Variants in ZHX3 observed in about 807,000 individuals in gnomAD.
The protein encoded by ZHX3 is zinc fingers and homeoboxes 3.
A neutral mutation model predicts 64.5 loss-of-function variants in ZHX3; 20 were observed. The ratio of observed to expected loss-of-function variants is 0.31; its 90% confidence interval spans 0.22 to 0.45. The LOEUF is 0.45. Ranked by LOEUF, ZHX3 falls within the 20% of genes least tolerant of loss-of-function variation. ZHX3 has a pLI of 1.00. For missense variants in ZHX3, 1,041 were observed against 1,195.8 expected (o/e 0.87, Z 1.91); for synonymous variants, 423 against 461.6 (o/e 0.92, Z 1.07).
intron 2 of ZHX3, among the ~76,000 whole-genome samples, chr20:41,227,720 T>A (rs2040359908): frequency 6.6e-6 from 1 of 152,212 alleles, no homozygotes; most frequent in Non-Finnish European, 1.5e-5. Context: ...AAGTTCTATT[T>A]ATCTGTTTTT....
chr20:41,204,967 C>T lies in ZHX3; in HGVS notation c.-51G>A. 1 of 1,487,344 alleles carries T rather than the reference C, an allele frequency of 6.7e-7. No individual in the cohort carries two copies. The highest frequency in any genetic ancestry group is 8.9e-7 in the Non-Finnish European group (1 of 1,118,884). 92.1% of individuals were successfully genotyped at this position (1,487,344 alleles called of 1,614,324 possible). The stretch of plus-strand genomic sequence containing the variant: ...GTTGAGAGCTTGTCCCATAAGGGGC[C>T]TAACAATACAAGTTCCAGCTTCTCG... On this transcript the variant is annotated 5_prime_UTR_variant, in exon 3 of 4. Transcript: ENST00000683867. The surrounding 1 kb of genome is among the most constrained non-coding windows in gnomAD (Gnocchi z 6.6).
At chr20:41,312,410 A>C (rs2045167509) in intron 1 of ZHX3, among the ~76,000 whole-genome samples, 1 of 152,178 alleles carries the variant, frequency 6.6e-6, no homozygotes, top group South Asian at 2.1e-4. Context: ...TCTTCACAAT[A>C]AATCTTGCTG....
intron 1 of ZHX3, among the ~76,000 whole-genome samples, chr20:41,302,039 G>A (rs1246142088): frequency 2.4e-5 from 3 of 125,604 alleles, no homozygotes; most frequent in Non-Finnish European, 4.7e-5. Context: ...GGGCGACGGA[G>A]CGAGACTCCA....
intron 2 of ZHX3, among the ~76,000 whole-genome samples, chr20:41,233,862 G>A (rs1341241571): frequency 1.3e-5 from 2 of 152,228 alleles, no homozygotes; most frequent in Non-Finnish European, 2.9e-5. Context: ...CCCAAGACAT[G>A]TCACCTTTTG....
rs776109986 is a variant in ZHX3 at position 41,202,665 on chromosome 20, G to A, written c.2252C>T (p.Pro751Leu). 4 of 1,614,064 alleles carry A rather than the reference G, an allele frequency of 2.5e-6. No homozygotes were observed. The highest frequency in any genetic ancestry group is 2.2e-5 in the East Asian group (1 of 44,864). Residue 751 changes from proline to leucine, a missense_variant, in exon 3 of 4, where the codon CCT (proline) becomes CTT (leucine). Pro to Leu is a moderately conservative substitution (Grantham distance 98). Around this residue, in one of 4 missense-constraint regions of ZHX3, gnomAD observed 649 missense variants for 739.8 expected, o/e 0.88. Coordinates refer to ENST00000683867, the MANE Select transcript of ZHX3 (RefSeq NM_001384317.1). This position sits in a 1 kb window ranked among gnomAD's most constrained non-coding sequence, Gnocchi z 7.0. ...CAGTTTGTTTGACTCATCATCCTCA[G>A]GGTCACAGGCACCCAGCCCTGGAAT... The part of the protein sequence containing the change: ...NEIPGLGACD[P>L]EDDESNKLAE...
At chr20:41,218,923 GTTTTTTTT>G (rs888061526) in intron 2 of ZHX3, among the ~76,000 whole-genome samples, 12 of 92,574 alleles carry the variant, frequency 1.3e-4, no homozygotes, top group African/African-American at 4.8e-4. Flanking sequence ...AAACAGTGCT[GTTTTTTTT>G]TTTTTTTTTT....
chr20:41,310,962 C>T (rs560280377), intron 1 of ZHX3, among the ~76,000 whole-genome samples: 1 of 151,940 alleles, frequency 6.6e-6, no homozygotes, highest in African/African-American at 2.4e-5. Context: ...GCACGTGCCA[C>T]CACACCAAGC....
At chr20:41,247,179 G>C (rs937411391) in intron 2 of ZHX3, among the ~76,000 whole-genome samples, 10 of 151,460 alleles carry the variant, frequency 6.6e-5, no homozygotes, top group Admixed American at 2.6e-4. Context: ...GAGACAGGAG[G>C]ATTGCCTGAA....
chr20:41,264,990 C>A (rs1271250411), intron 2 of ZHX3, among the ~76,000 whole-genome samples: 1 of 152,024 alleles, frequency 6.6e-6, no homozygotes, highest in Non-Finnish European at 1.5e-5. Context: ...AGGGAAAAAA[C>A]AAACTATGCA....
intron 1 of ZHX3, among the ~76,000 whole-genome samples, chr20:41,296,093 G>A (rs567855087): frequency 6.6e-6 from 1 of 151,958 alleles, no homozygotes; most frequent in Admixed American, 6.6e-5. Flanking sequence ...TTCAGCAACT[G>A]CCCATGAACT....
chr20:41,298,580 T>C (rs972234842), intron 1 of ZHX3, among the ~76,000 whole-genome samples: 1 of 152,210 alleles, frequency 6.6e-6, no homozygotes, highest in Non-Finnish European at 1.5e-5. Context: ...ACTATGCTAG[T>C]AAGATCACTG....
chr20:41,227,348 A>G (rs1180221200), intron 2 of ZHX3, among the ~76,000 whole-genome samples: 4 of 152,252 alleles, frequency 2.6e-5, no homozygotes, highest in Non-Finnish European at 5.9e-5. Context: ...TCTCTAATCT[A>G]AAACGCAATA....
chr20:41,229,114 T>G (rs2040444675), intron 2 of ZHX3, among the ~76,000 whole-genome samples: 1 of 152,224 alleles, frequency 6.6e-6, no homozygotes, highest in Non-Finnish European at 1.5e-5. Flanking sequence ...TTCTGCTTTC[T>G]GTCTCTGTAG....
chr20:41,308,655 C>A lies in ZHX3; in HGVS notation c.-245+8854G>T, dbSNP rs193160193. ...AGTGGTCAGCCAAGAATGACTAACTCCAAGTTCCCTCGTGAGCAGCTATTC... is the reference window on the plus strand; with the variant it reads ...AGTGGTCAGCCAAGAATGACTAACTACAAGTTCCCTCGTGAGCAGCTATTC... On this transcript the variant is annotated intron_variant, in intron 1 of 3. Transcript: ENST00000683867. Among the ~76,000 whole-genome samples, 155 of 152,250 alleles carry A rather than the reference C, an allele frequency of 1.0e-3. 1 individual carries two copies. The highest frequency in any genetic ancestry group is 3.4e-3 in the African/African-American group (142 of 41,550).
intron 1 of ZHX3, among the ~76,000 whole-genome samples, chr20:41,291,770 A>G (rs930786814): frequency 2.6e-5 from 4 of 152,058 alleles, no homozygotes; most frequent in Admixed American, 2.6e-4. Flanking sequence ...ATGAATCTAA[A>G]AAAAATGCAT....
At chr20:41,253,582 G>A (rs576817383) in intron 2 of ZHX3, among the ~76,000 whole-genome samples, 2 of 152,262 alleles carry the variant, frequency 1.3e-5, no homozygotes, top group Non-Finnish European at 2.9e-5. Flanking sequence ...GGTGGGCACT[G>A]ACTGGGAAGG....
intron 2 of ZHX3, among the ~76,000 whole-genome samples, chr20:41,210,842 A>T (rs1283836680): frequency 6.6e-6 from 1 of 152,236 alleles, no homozygotes; most frequent in African/African-American, 2.4e-5. Flanking sequence ...AGTATAATTT[A>T]AAAAAGAATT....
chr20:41,244,274 G>A (rs1451144515), intron 2 of ZHX3, among the ~76,000 whole-genome samples: 1 of 152,192 alleles, frequency 6.6e-6, no homozygotes, highest in Non-Finnish European at 1.5e-5. Flanking sequence ...CTGGGGAGGT[G>A]CAGAGCAAGA....
At chr20:41,315,383 C>T (rs1041035920) in intron 1 of ZHX3, among the ~76,000 whole-genome samples, 16 of 105,660 alleles carry the variant, frequency 1.5e-4, no homozygotes, top group African/African-American at 5.7e-4. Flanking sequence ...TTAGTAGAGA[C>T]GGGGTGTCAC....
Sources: gnomAD v4.1 joint callset for allele counts (sites outside exome capture counted in the v4.1 genomes callset) on GRCh38, gnomAD v4.1.1 for gene constraint, gnomAD v4.1.1 regional missense constraint, Gnocchi (gnomAD v3.1) non-coding constraint, MANE v1.5 for transcripts, NCBI Gene and HGNC (gene_info 2026-07-23, HGNC 2026-07-21) for gene names.